The following PLPP2 variants were observed in gnomAD, a reference collection of about 807,000 sequenced individuals.
PLPP2 encodes the protein phospholipid phosphatase 2, also known as PAP2-gamma.
PLPP2 carries 29 observed loss-of-function variants against 35.2 expected under a neutral mutation model. The ratio of observed to expected loss-of-function variants is 0.82; its 90% CI spans 0.61 to 1.12. The LOEUF (loss-of-function observed/expected upper bound fraction) is 1.12. PLPP2 is among the 50% of genes most tolerant of loss of function. The pLI is 0.00. For missense variants in PLPP2, 353 were observed against 375.2 expected (o/e 0.94, Z 0.49); for synonymous variants, 162 against 167.0 (o/e 0.97, Z 0.23).
At chr19:290,380 T>C (rs573716889) in intron 1 of PLPP2, among the ~76,000 whole-genome samples, 132 of 152,332 alleles carry the variant, frequency 8.7e-4, no homozygotes, top group Non-Finnish European at 1.6e-3. Context: ...AATAACACCA[T>C]AGGTGCTCAG....
chr19:290,435 T>A (rs1970363813), intron 1 of PLPP2, among the ~76,000 whole-genome samples: 1 of 152,244 alleles, frequency 6.6e-6, no homozygotes, highest in Non-Finnish European at 1.5e-5. Flanking sequence ...GACTTCTTGC[T>A]GTCACCTGGC....
intron 3 of PLPP2, chr19:284,462 T>C (rs1970235998): frequency 6.6e-6 from 1 of 152,164 alleles, no homozygotes; most frequent in Admixed American, 6.6e-5. Flanking sequence ...ATGTTGGACT[T>C]ACTAGACACT....
In PLPP2 at chr19:282,266, C is replaced by T. The variant is rs202007246; in HGVS notation, c.585G>A (p.Leu195=). The T allele has an allele frequency of 9.5e-5, 154 of 1,613,720 alleles. No homozygotes were observed. The highest frequency in any genetic ancestry group is 1.1e-4 in the Non-Finnish European group (134 of 1,179,902). The change falls in exon 5 of 6, where the codon CTG becomes CTA. Residue 195 remains leucine (L), a synonymous_variant. Transcript: ENST00000434325. ...CCAGGAAGAACTGGACTGTGGGTCGCAGCAGCCGTGCCCACTTCCAACAGA... is the reference window on the plus strand; with the variant it reads ...CCAGGAAGAACTGGACTGTGGGTCGTAGCAGCCGTGCCCACTTCCAACAGA... ...ARLCWKWARL[L]RPTVQFFLVA...
intron 1 of PLPP2, among the ~76,000 whole-genome samples, chr19:290,719 C>T (rs1970371905): frequency 6.6e-6 from 1 of 152,190 alleles, no homozygotes; most frequent in African/African-American, 2.4e-5. Flanking sequence ...ACCCCGTTCA[C>T]CCGAAGCCTG....
At chr19:289,380 C>CTGGTGAAGAAAACAG (rs1321075785) in intron 1 of PLPP2, among the ~76,000 whole-genome samples, 1 of 152,176 alleles carries the variant, frequency 6.6e-6, no homozygotes, top group Non-Finnish European at 1.5e-5. Context: ...GGGAAATAAT[C>CTGGTGAAGAAAACAG]TGGTGAAGAA....
At chr19:290,294 T>C (rs1449383054) in intron 1 of PLPP2, among the ~76,000 whole-genome samples, 2 of 152,144 alleles carry the variant, frequency 1.3e-5, no homozygotes, top group African/African-American at 4.8e-5. Flanking sequence ...TCACAGGCTG[T>C]TGTAAGGGAA....
rs749502741 is a variant in PLPP2, at chr19:287,532, C to A, written c.424G>T (p.Val142Phe). 14 of 1,613,604 alleles carry A rather than the reference C, an allele frequency of 8.7e-6. No individual in the cohort carries two copies. The South Asian group carries it at 1.5e-4, about 18-fold the overall frequency. ...CACACCTTCTCCAGCTGCACATAGA[C>A]CGAGCAGTTGACCCGGCTCCAGTCG... Reference protein sequence around the residue: ...DPDWSRVNCSVYVQLEKVCRG... With the variant: ...DPDWSRVNCSFYVQLEKVCRG... The change falls in exon 3 of 6, where the codon GTC (valine) becomes TTC (phenylalanine). Residue 142 changes from valine (V) to phenylalanine (F), a missense_variant. Physicochemically the swap from Val to Phe is conservative, Grantham distance 50 (BLOSUM62 -1). Coordinates refer to ENST00000434325, the MANE Select transcript of PLPP2 (RefSeq NM_003712.4). This position sits in a 1 kb window ranked among gnomAD's most constrained non-coding sequence, Gnocchi z 4.3.
chr19:291,116 A>C, intron 1 of PLPP2, 169 bp downstream of exon 1: 1 of 1,355,342 alleles, frequency 7.4e-7, no homozygotes, highest in Non-Finnish European at 9.5e-7. Context: ...GGGCGCGCGC[A>C]GTGCGGGGCG....
At chr19:286,421 T>C (rs1474036860) in intron 3 of PLPP2, 1 of 149,920 alleles carries the variant, frequency 6.7e-6, no homozygotes, top group African/African-American at 2.5e-5. Context: ...CTGGGCAAGA[T>C]AGCAAGACCC....
At position 287,876 on chromosome 19, in the gene PLPP2, G is replaced by C. The variant is rs1319308199; in HGVS notation, c.205-125C>G. The C allele has an allele frequency of 6.6e-7, 1 of 1,509,502 alleles. No individual in the cohort carries two copies. The highest frequency in any genetic ancestry group is 8.9e-7 in the Non-Finnish European group (1 of 1,118,512). The allele number at this position is 1,509,502 out of a possible 1,614,324, so 93.5% of individuals were successfully genotyped here. A position where few individuals can be genotyped will look rare whatever the true frequency, so the allele number is the denominator to read the frequency against. On this transcript the variant is annotated intron_variant, in intron 2 of 5. Coordinates refer to ENST00000434325, the MANE Select transcript of PLPP2 (RefSeq NM_003712.4). The surrounding 1 kb of genome is among the most constrained non-coding windows in gnomAD (Gnocchi z 4.3). ...TCTGAAGGGGGCCCTATTACCCACA[G>C]GTACCACTCAGGGCAAGGCTGTGTC... is the stretch of plus-strand genomic sequence containing the variant.
chr19:284,808 G>T (rs915394785), intron 3 of PLPP2: 2 of 152,162 alleles, frequency 1.3e-5, no homozygotes, highest in African/African-American at 4.8e-5. Flanking sequence ...GAAGAAAAAA[G>T]ACAATGAACT....
Position 287,955 on chromosome 19 carries a change from C to G in PLPP2, c.204+65G>C, listed in dbSNP as rs1186509854. ...GGGCTGTGCCACCCCCCCATCAGGC[C>G]CCCAGGGTAAAGCTGGCCCCACCCC... On this transcript the variant is annotated intron_variant, in intron 2 of 5. Coordinates refer to ENST00000434325, the MANE Select transcript of PLPP2 (RefSeq NM_003712.4). The surrounding 1 kb of genome is among the most constrained non-coding windows in gnomAD (Gnocchi z 4.3). 4 of 1,520,588 alleles carry G rather than the reference C, an allele frequency of 2.6e-6. No individual in the cohort carries two copies. The highest frequency in any genetic ancestry group is 1.8e-5 in the African/African-American group (1 of 55,842). The allele number at this position is 1,520,588 out of a possible 1,614,324, so 94.2% of individuals were successfully genotyped here.
chr19:291,329 C>T lies in PLPP2; in HGVS notation c.8G>A (p.Arg3Gln). ...GTCGAGCAGCACGAAGACCCACCTC[C>T]GCTGCATGGTCCCCGCGACCCCCGA... is the stretch of plus-strand genomic sequence containing the variant. MQRRWVFVLLDVL... is the reference protein window; with the variant it reads MQQRWVFVLLDVL... The change falls in exon 1 of 6, where the codon CGG becomes CAG. Residue 3 changes from arginine to glutamine, a missense_variant. Coordinates refer to ENST00000434325, the MANE Select transcript of PLPP2 (RefSeq NM_003712.4). 3 of 1,593,376 alleles carry T rather than the reference C, an allele frequency of 1.9e-6. No individual in the cohort carries two copies. Among genetic ancestry groups the T allele is most frequent in the East Asian group, 4.6e-5 (2 of 43,064 alleles).
rs757500294 is a variant in PLPP2, at chr19:287,272, C to T, written c.482+202G>A. The stretch of plus-strand genomic sequence containing the variant: ...TACTAAACAACAGAACCCCAAAATA[C>T]TTAAAGCAAAAACTGACAGAATGTT... On this transcript the variant is annotated intron_variant, in intron 3 of 5. Coordinates refer to ENST00000434325, the MANE Select transcript of PLPP2 (RefSeq NM_003712.4). This position sits in a 1 kb window ranked among gnomAD's most constrained non-coding sequence, Gnocchi z 4.3. The T allele has an allele frequency of 3.0e-5, 19 of 642,036 alleles. No individual in the cohort carries two copies. The highest frequency in any genetic ancestry group is 4.7e-5 in the Non-Finnish European group (18 of 386,438). 39.8% of individuals were successfully genotyped at this position (642,036 alleles called of 1,614,324 possible).
rs761272390 is a variant in PLPP2 at position 288,440 on chromosome 19, T to C, written c.53-269A>G. 23 of 331,240 alleles carry C rather than the reference T, an allele frequency of 6.9e-5. 1 individual carries two copies. The highest frequency in any genetic ancestry group is 9.0e-5 in the Admixed American group (2 of 22,282). 20.5% of individuals were successfully genotyped at this position (331,240 alleles called of 1,614,324 possible). The stretch of plus-strand genomic sequence containing the variant: ...ACACCCACCTTTGCACAGCCACTTC[T>C]CTCTGCCCAAAATATCTTTTTTTTT... On this transcript the variant is annotated intron_variant, in intron 1 of 5. Transcript: ENST00000434325.
Position 281,609 on chromosome 19 carries a change from G to A in PLPP2, c.718-72C>T, listed in dbSNP as rs1024676455. The A allele has an allele frequency of 3.7e-6, 5 of 1,339,812 alleles. No individual in the cohort carries two copies. In the African/African-American group the frequency reaches 4.4e-5, roughly 12 times the overall value. The allele number at this position is 1,339,812 out of a possible 1,614,324, so 83.0% of individuals were successfully genotyped here. A position where few individuals can be genotyped will look rare whatever the true frequency, so the allele number is the denominator to read the frequency against. ...ACCAGGGACATGGGCATGAGCAGGA[G>A]GGGGAGGAACAGGGTCCCAGGTGGG... On this transcript the variant is annotated intron_variant, in intron 5 of 5. Transcript: ENST00000434325.
chr19:282,277 C>G lies in PLPP2; in HGVS notation c.574G>C (p.Ala192Pro). The change falls in exon 5 of 6, where the codon GCA becomes CCA. Residue 192 changes from alanine (A) to proline (P), a missense_variant. Coordinates refer to ENST00000434325, the MANE Select transcript of PLPP2 (RefSeq NM_003712.4). ...YVQARLCWKWARLLRPTVQFF... is the reference protein window; with the variant it reads ...YVQARLCWKWPRLLRPTVQFF... The stretch of plus-strand genomic sequence containing the variant: ...TGGACTGTGGGTCGCAGCAGCCGTG[C>G]CCACTTCCAACAGAGTCGTGCCTGC... 6.2e-7 allele frequency: 1 copy of G among 1,613,782 alleles called. No homozygotes were observed. Among genetic ancestry groups the G allele is most frequent in the Admixed American group, 1.7e-5 (1 of 59,996 alleles).
chr19:283,048 A>C (rs1970211252), intron 3 of PLPP2: 1 of 502,358 alleles, frequency 2.0e-6, no homozygotes, highest in Non-Finnish European at 3.5e-6. Context: ...GCCTGAACCC[A>C]AAACCCAGGG....
chr19:291,270 C>T lies in PLPP2; in HGVS notation c.52+15G>A. 6.2e-7 allele frequency: 1 copy of T among 1,600,754 alleles called. No homozygotes were observed. Among genetic ancestry groups the T allele is most frequent in the South Asian group, 1.1e-5 (1 of 89,418 alleles). ...GGGAGGGTCCCCCCAACACCCGGGT[C>T]CCCAAGGCTCTTACCGACCAGTAAG... is the stretch of plus-strand genomic sequence containing the variant. On this transcript the variant is annotated intron_variant, in intron 1 of 5. Coordinates refer to ENST00000434325, the MANE Select transcript of PLPP2 (RefSeq NM_003712.4).
Sources: gnomAD v4.1 joint callset for allele counts (sites outside exome capture counted in the v4.1 genomes callset) on GRCh38, gnomAD v4.1.1 for gene constraint, Gnocchi (gnomAD v3.1) non-coding constraint, MANE v1.5 for transcripts, NCBI Gene and HGNC (gene_info 2026-07-23, HGNC 2026-07-21) for gene names.